Variants in SFRP5 observed in about 807,000 individuals in gnomAD.
The protein encoded by SFRP5 is secreted frizzled-related protein 5.
Under a neutral mutation model 27.0 loss-of-function variants are expected in SFRP5, and 22 were observed. That is an observed-to-expected ratio of 0.82 (90% CI 0.58 to 1.17). The LOEUF (loss-of-function observed/expected upper bound fraction) is 1.17. SFRP5 is among the 50% of genes most tolerant of loss of function. The probability of loss-of-function intolerance (pLI) is 0.00; values close to 1 mark genes in which losing one functional copy is unlikely to be tolerated. For missense variants in SFRP5, 406 were observed against 436.6 expected, an observed-to-expected ratio of 0.93 and a Z score of 0.63; for synonymous variants, 171 against 195.0, an observed-to-expected ratio of 0.88 and a Z score of 1.03.
rs1410635746 is a variant in SFRP5, at chr10:97,771,994, C to T, written c.-161G>A. On this transcript the variant is annotated 5_prime_UTR_variant, in exon 1 of 3. Coordinates refer to ENST00000266066, the MANE Select transcript of SFRP5 (RefSeq NM_003015.3). This position sits in a 1 kb window ranked among gnomAD's most constrained non-coding sequence, Gnocchi z 5.2. ...GGTGGCAGCCTGCGCTGCGGGCGCC[C>T]CGACTGATCCTGGCGCCTCCCACCT... 1.4e-5 allele frequency: 5 copies of T among 348,196 alleles called. No homozygotes were observed. Among genetic ancestry groups the T allele is most frequent in the South Asian group, 1.0e-4 (1 of 9,578 alleles). 21.6% of individuals were successfully genotyped at this position (348,196 alleles called of 1,614,324 possible). A position where few individuals can be genotyped will look rare whatever the true frequency, so the allele number is the denominator to read the frequency against.
At position 97,771,305 on chromosome 10, in the gene SFRP5, C is replaced by A; in HGVS notation, c.529G>T (p.Val177Leu). 1 of 1,562,766 alleles carries A rather than the reference C, an allele frequency of 6.4e-7. No homozygotes were observed. The highest frequency in any genetic ancestry group is 8.7e-7 in the Non-Finnish European group (1 of 1,155,506). The part of the protein sequence containing the change: ...FGHLPATAPP[V>L]TKICAQCEME... The stretch of plus-strand genomic sequence containing the variant: ...GCGGGGACGGCGGCGGCGGCGCTAC[C>A]TGGAGGCGCGGTGGCGGGCAGGTGC... The change falls in exon 1 of 3, where the codon GTG becomes TTG. Residue 177 changes from valine (V) to leucine (L), a missense_variant and splice_region_variant. Physicochemically the swap from Val to Leu is conservative, Grantham distance 32. Coordinates refer to ENST00000266066, the MANE Select transcript of SFRP5 (RefSeq NM_003015.3). The surrounding 1 kb of genome is among the most constrained non-coding windows in gnomAD (Gnocchi z 5.2).
At position 97,767,575 on chromosome 10, in the gene SFRP5, A is replaced by T. The variant is rs771102079; in HGVS notation, c.893T>A (p.Met298Lys). 2 of 1,613,464 alleles carry T rather than the reference A, an allele frequency of 1.2e-6. No individual in the cohort carries two copies. The highest frequency in any genetic ancestry group is 4.5e-5 in the East Asian group (2 of 44,868). ...NKEMKFAVKF[M>K]FSYPCSLYYP... ...GTAGAGGGAGCAGGGGTAGGAGAAC[A>T]TGAATTTGACTGCAAACTTCATCTC... Residue 298 changes from methionine (M) to lysine (K), a missense_variant, in exon 3 of 3, where the codon ATG becomes AAG. Physicochemically the swap from Met to Lys is moderately conservative, Grantham distance 95. Coordinates refer to ENST00000266066, the MANE Select transcript of SFRP5 (RefSeq NM_003015.3).
intron 1 of SFRP5, among the ~76,000 whole-genome samples, chr10:97,770,417 T>C (rs2049508058): frequency 6.6e-6 from 1 of 151,992 alleles, no homozygotes; most frequent in Non-Finnish European, 1.5e-5. Context: ...GAGCGGTTAC[T>C]CAAGTCTGAC....
rs762012272 is a variant in SFRP5 at position 97,771,422 on chromosome 10, GCGGCGCGCAGC to G, written c.401_411del (p.Gly134AlafsTer11). 4 of 1,613,026 alleles carry G rather than the reference GCGGCGCGCAGC, an allele frequency of 2.5e-6. No homozygotes were observed. The highest frequency in any genetic ancestry group is 2.7e-5 in the African/African-American group (2 of 75,018). On this transcript the variant is annotated frameshift_variant, in exon 1 of 3. Coordinates refer to ENST00000266066, the MANE Select transcript of SFRP5 (RefSeq NM_003015.3). LOFTEE classifies it high-confidence loss of function. The surrounding 1 kb of genome is among the most constrained non-coding windows in gnomAD (Gnocchi z 5.2). Reference sequence around the variant, plus strand: ...CAGGGGAAGCCGTAGGCCTCCATGAGCGGCGCGCAGCCGGCGCGCACGGCCTCGCACAGCGA... The same window carrying G: ...CAGGGGAAGCCGTAGGCCTCCATGAGCGGCGCGCACGGCCTCGCACAGCGA...
chr10:97,770,362 G>A lies in SFRP5; in HGVS notation c.530-617C>T, dbSNP rs141303500. Among the ~76,000 whole-genome samples, 17 of 152,284 alleles carry A rather than the reference G, an allele frequency of 1.1e-4. No homozygotes were observed. The East Asian group carries it at 1.2e-3, about 10-fold the overall frequency. On this transcript the variant is annotated intron_variant, in intron 1 of 2. Transcript: ENST00000266066. Reference sequence around the variant, plus strand: ...TGGGATTACAAGTGTGAACCACTGCGCCCAGCCCTTACTCCTATTTTGGAG... The same window carrying A: ...TGGGATTACAAGTGTGAACCACTGCACCCAGCCCTTACTCCTATTTTGGAG...
At position 97,767,736 on chromosome 10, in the gene SFRP5, C is replaced by T. The variant is rs757795053; in HGVS notation, c.732G>A (p.Val244=). The change falls in exon 3 of 3, where the codon GTG becomes GTA. Residue 244 remains valine, a synonymous_variant. Coordinates refer to ENST00000266066, the MANE Select transcript of SFRP5 (RefSeq NM_003015.3). Reference sequence around the variant, plus strand: ...AGCCCGCGCCATTCTTCATGTGCAGCACCAGCCGCTTGGTGTCCTTGCGCT... The same window carrying T: ...AGCCCGCGCCATTCTTCATGTGCAGTACCAGCCGCTTGGTGTCCTTGCGCT... ...PLKRKDTKRL[V]LHMKNGAGCP... 1.2e-6 allele frequency: 2 copies of T among 1,610,314 alleles called. No homozygotes were observed. Among genetic ancestry groups the T allele is most frequent in the South Asian group, 2.2e-5 (2 of 90,682 alleles).
At position 97,771,660 on chromosome 10, in the gene SFRP5, G is replaced by A. The variant is rs1021485883; in HGVS notation, c.174C>T (p.Ala58=). 1.2e-6 allele frequency: 2 copies of A among 1,603,902 alleles called. No individual in the cohort carries two copies. The highest frequency in any genetic ancestry group is 1.7e-6 in the Non-Finnish European group (2 of 1,179,648). The change falls in exon 1 of 3, where the codon GCC becomes GCT. Residue 58 remains alanine (A), a synonymous_variant. Transcript: ENST00000266066. The surrounding 1 kb of genome is among the most constrained non-coding windows in gnomAD (Gnocchi z 5.2). ...SKPPQCLDIP[A]DLPLCHTVGY... ...CCACCGTGTGGCAGAGCGGCAGGTC[G>A]GCAGGGATGTCAAGGCACTGCGGCG...
chr10:97,771,543 G>A lies in SFRP5; in HGVS notation c.291C>T (p.Ala97=), dbSNP rs1319541721. The A allele has an allele frequency of 6.2e-7, 1 of 1,611,038 alleles. No homozygotes were observed. The highest frequency in any genetic ancestry group is 8.5e-7 in the Non-Finnish European group (1 of 1,178,160). ...CCTGCGTATCCGAGTGGCAGCGCTT[G>A]GCCAGCAGCGGCAGCCAGCTGCTCG... ...QQASSWLPLL[A]KRCHSDTQVF... The change falls in exon 1 of 3, where the codon GCC becomes GCT. Residue 97 remains alanine (A), a synonymous_variant. Transcript: ENST00000266066. The surrounding 1 kb of genome is among the most constrained non-coding windows in gnomAD (Gnocchi z 5.2).
intron 2 of SFRP5, 51 bp downstream of exon 2, chr10:97,769,617 G>A (rs1442454516): frequency 3.9e-6 from 5 of 1,286,462 alleles, no homozygotes; most frequent in Non-Finnish European, 5.6e-6. Flanking sequence ...CGTCAAGAAA[G>A]AGGGGCTGGG....
At chr10:97,768,583 T>TGA (rs778867322) in intron 2 of SFRP5, among the ~76,000 whole-genome samples, 2 of 152,214 alleles carry the variant, frequency 1.3e-5, no homozygotes, top group African/African-American at 4.8e-5. Context: ...TGTATGTGTG[T>TGA]GAGAGAGAGA....
chr10:97,767,945 C>T lies in SFRP5; in HGVS notation c.608-85G>A, dbSNP rs150548001. ...GGGCACAGAGTTGGTGTGTTCTGGA[C>T]CTTCGGGCTGGGGGAGCCTGATGCC... On this transcript the variant is annotated intron_variant, in intron 2 of 2. Transcript: ENST00000266066. The T allele has an allele frequency of 2.4e-3, 2,446 of 1,030,136 alleles. 42 individuals carry two copies. The African/African-American group carries it at 0.035, about 15-fold the overall frequency. The allele number at this position is 1,030,136 out of a possible 1,614,324, so 63.8% of individuals were successfully genotyped here.
chr10:97,771,776 C>G lies in SFRP5; in HGVS notation c.58G>C (p.Gly20Arg), dbSNP rs749542024. The stretch of plus-strand genomic sequence containing the variant: ...CGCGCCGGCGCCCAGTGCAGCGCCC[C>G]CAGCAGCAGCGCCAGCGCGGCCGTC... ...VRTAALALLL[G>R]ALHWAPARCE... Residue 20 changes from glycine (G) to arginine (R), a missense_variant, in exon 1 of 3, where the codon GGG becomes CGG. Gly to Arg is a moderately radical substitution (Grantham distance 125, BLOSUM62 -2). Transcript: ENST00000266066. The surrounding 1 kb of genome is among the most constrained non-coding windows in gnomAD (Gnocchi z 5.2). 2.5e-5 allele frequency: 37 copies of G among 1,474,448 alleles called. No homozygotes were observed. The African/African-American group carries it at 4.2e-4, about 17-fold the overall frequency. 91.3% of individuals were successfully genotyped at this position (1,474,448 alleles called of 1,614,324 possible). A position where few individuals can be genotyped will look rare whatever the true frequency, so the allele number is the denominator to read the frequency against.
chr10:97,769,633 TGTC>T (rs2049504587), intron 2 of SFRP5, 32 bp downstream of exon 2: 2 of 1,452,274 alleles, frequency 1.4e-6, no homozygotes, highest in African/African-American at 2.8e-5. Flanking sequence ...CTGGGGGTGA[TGTC>T]GGGGCAGTGG....
In SFRP5 at chr10:97,771,096, G is replaced by A. The variant is rs2049512389; in HGVS notation, c.529+209C>T. ...GCCAGAGGGAAGGTCTGGAGCCGCC[G>A]GGAGGCACTATGCTGCCACTCCCTG... On this transcript the variant is annotated intron_variant, in intron 1 of 2. Coordinates refer to ENST00000266066, the MANE Select transcript of SFRP5 (RefSeq NM_003015.3). This position sits in a 1 kb window ranked among gnomAD's most constrained non-coding sequence, Gnocchi z 5.2. Among the ~76,000 whole-genome samples, 2 of 152,066 alleles carry A rather than the reference G, an allele frequency of 1.3e-5. No individual in the cohort carries two copies. The highest frequency in any genetic ancestry group is 4.1e-4 in the South Asian group (2 of 4,820).
Position 97,771,301 on chromosome 10 carries a change from C to A in SFRP5, c.529+4G>T. Reference sequence around the variant, plus strand: ...GCGCGCGGGGACGGCGGCGGCGGCGCTACCTGGAGGCGCGGTGGCGGGCAG... The same window carrying A: ...GCGCGCGGGGACGGCGGCGGCGGCGATACCTGGAGGCGCGGTGGCGGGCAG... On this transcript the variant is annotated splice_donor_region_variant and intron_variant, in intron 1 of 2. Transcript: ENST00000266066. The surrounding 1 kb of genome is among the most constrained non-coding windows in gnomAD (Gnocchi z 5.2). 1 of 1,550,342 alleles carries A rather than the reference C, an allele frequency of 6.5e-7. No homozygotes were observed. The highest frequency in any genetic ancestry group is 8.7e-7 in the Non-Finnish European group (1 of 1,150,328).
Position 97,767,538 on chromosome 10 carries a change from G to T in SFRP5, c.930C>A (p.Phe310Leu). 10 of 1,611,446 alleles carry T rather than the reference G, an allele frequency of 6.2e-6. No individual in the cohort carries two copies. Among genetic ancestry groups the T allele is most frequent in the Non-Finnish European group, 8.5e-6 (10 of 1,178,854 alleles). The change falls in exon 3 of 3, where the codon TTC (phenylalanine) becomes TTA (leucine). Residue 310 changes from phenylalanine (F) to leucine (L), a missense_variant. Phe to Leu is a conservative substitution (Grantham distance 22). Transcript: ENST00000266066. The part of the protein sequence containing the change: ...SYPCSLYYPF[F>L]YGAAEPH ...TTCAGTGGGGCTCTGCCGCCCCGTA[G>T]AAGAAAGGGTAGTAGAGGGAGCAGG...
At position 97,771,002 on chromosome 10, in the gene SFRP5, T is replaced by C. The variant is rs185820953; in HGVS notation, c.529+303A>G. Among the ~76,000 whole-genome samples the C allele has an allele frequency of 2.6e-5, 4 of 151,574 alleles. No homozygotes were observed. The highest frequency in any genetic ancestry group is 6.6e-5 in the Admixed American group (1 of 15,260). On this transcript the variant is annotated intron_variant, in intron 1 of 2. Coordinates refer to ENST00000266066, the MANE Select transcript of SFRP5 (RefSeq NM_003015.3). The surrounding 1 kb of genome is among the most constrained non-coding windows in gnomAD (Gnocchi z 5.2). ...ACGTCCCAGGATTGGGGGGACGGCATTGGGGGATTCTCAGCAGCTTGGTTG... is the reference window on the plus strand; with the variant it reads ...ACGTCCCAGGATTGGGGGGACGGCACTGGGGGATTCTCAGCAGCTTGGTTG...
intron 2 of SFRP5, 53 bp from the exon 3 acceptor site, chr10:97,767,913 T>C (rs2049494805): frequency 7.4e-7 from 1 of 1,354,424 alleles, no homozygotes; most frequent in Non-Finnish European, 1.0e-6. Flanking sequence ...CTGTGTGGGA[T>C]GCTGGTGGGC....
At chr10:97,770,437 G>C in intron 1 of SFRP5, among the ~76,000 whole-genome samples, 1 of 152,194 alleles carries the variant, frequency 6.6e-6, no homozygotes, top group South Asian at 2.1e-4. Context: ...CAGCAGACGG[G>C]GAGGAAGGGG....
Sources: gnomAD v4.1 joint callset for allele counts (sites outside exome capture counted in the v4.1 genomes callset) on GRCh38, gnomAD v4.1.1 for gene constraint, Gnocchi (gnomAD v3.1) non-coding constraint, MANE v1.5 for transcripts, NCBI Gene and HGNC (gene_info 2026-07-23, HGNC 2026-07-21) for gene names.